Variants in CAPN14 observed in about 807,000 individuals in gnomAD.
CAPN14 encodes the protein calpain 14.
A neutral mutation model predicts 101.3 loss-of-function variants in CAPN14; 94 were observed. That is an observed-to-expected ratio of 0.93 (90% confidence interval 0.79 to 1.10). CAPN14 has a LOEUF of 1.10. CAPN14 is among the 50% of genes least tolerant of loss of function. The pLI, the probability that CAPN14 is intolerant of heterozygous loss-of-function variation, is 0.00. For synonymous variants in CAPN14, 338 were observed against 317.9 expected, an observed-to-expected ratio of 1.06 and a Z score of -0.67; for missense variants, 837 against 828.4, an observed-to-expected ratio of 1.01 and a Z score of -0.13.
At chr2:31,179,163 C>A (rs893365321) in intron 17 of CAPN14, among the ~76,000 whole-genome samples, 1 of 149,458 alleles carries the variant, frequency 6.7e-6, no homozygotes, top group African/African-American at 2.5e-5. Flanking sequence ...TGTTGGTTTG[C>A]TGCACCCATT....
In CAPN14 at chr2:31,200,622, G is replaced by C; in HGVS notation, c.555C>G (p.Leu185=). The C allele has an allele frequency of 1.3e-6, 2 of 1,543,224 alleles. No individual in the cohort carries two copies. Among genetic ancestry groups the C allele is most frequent in the Non-Finnish European group, 1.7e-6 (2 of 1,144,284 alleles). Reference sequence around the variant, plus strand: ...ACTGCAAGTCTTCATAGGAACCAGAGAGCCTGGCCAGGGAAGAAATAAACA... The same window carrying C: ...ACTGCAAGTCTTCATAGGAACCAGACAGCCTGGCCAGGGAAGAAATAAACA... ...GALLEKAYAK[L]SGSYEDLQSG... Residue 185 remains leucine, a synonymous_variant, in exon 6 of 22, where the codon CTC becomes CTG. Transcript: ENST00000403897.
chr2:31,211,387 G>T (rs951467578), intron 1 of CAPN14, among the ~76,000 whole-genome samples: 1 of 151,734 alleles, frequency 6.6e-6, no homozygotes, highest in Non-Finnish European at 1.5e-5. Context: ...AATTCAAGAA[G>T]GTCAATGAAT....
At chr2:31,186,063 G>A (rs746453381) in intron 16 of CAPN14, among the ~76,000 whole-genome samples, 40 of 152,100 alleles carry the variant, frequency 2.6e-4, no homozygotes, top group Non-Finnish European at 4.9e-4. Context: ...GGGTAGGCTA[G>A]TTAATACTTA....
At position 31,190,143 on chromosome 2, in the gene CAPN14, C is replaced by G. The variant is rs545509876; in HGVS notation, c.1288-665G>C. ...CTGCTTTATCTGATTCATATTCTCT[C>G]TCTCTCTCTCTCTCTCTCTCTCTCT... On this transcript the variant is annotated intron_variant, in intron 12 of 21. Transcript: ENST00000403897. Among the ~76,000 whole-genome samples, 15 of 150,178 alleles carry G rather than the reference C, an allele frequency of 1.0e-4. 1 individual carries two copies. The highest frequency in any genetic ancestry group is 3.7e-4 in the African/African-American group (15 of 40,578).
chr2:31,182,380 A>G (rs947211109), intron 16 of CAPN14, among the ~76,000 whole-genome samples: 1 of 147,128 alleles, frequency 6.8e-6, no homozygotes, highest in African/African-American at 2.6e-5. Context: ...AATTGGGAAG[A>G]GAGGAAGTCA....
At chr2:31,203,769 T>C (rs1681922944) in intron 2 of CAPN14, among the ~76,000 whole-genome samples, 1 of 152,086 alleles carries the variant, frequency 6.6e-6, no homozygotes, top group Non-Finnish European at 1.5e-5. Flanking sequence ...ACTTCATAAG[T>C]CTGGGGCTGC....
chr2:31,197,104 T>C (rs1681504356), intron 8 of CAPN14, 145 bp downstream of exon 8: 1 of 584,234 alleles, frequency 1.7e-6, no homozygotes, highest in Admixed American at 3.0e-5. Flanking sequence ...ATCTTCTAAA[T>C]GTGAGGGATT....
chr2:31,228,092 T>C (rs921382782), intron 1 of CAPN14, among the ~76,000 whole-genome samples: 2 of 152,228 alleles, frequency 1.3e-5, no homozygotes, highest in East Asian at 3.9e-4. Flanking sequence ...GAGGCACGCA[T>C]GCGTGCATGG....
Position 31,213,706 on chromosome 2 carries a change from A to G in CAPN14, c.-53+3750T>C, listed in dbSNP as rs938610692. Among the ~76,000 whole-genome samples, 6 of 152,332 alleles carry G rather than the reference A, an allele frequency of 3.9e-5. No individual in the cohort carries two copies. The East Asian group carries it at 1.2e-3, about 29-fold the overall frequency. The stretch of plus-strand genomic sequence containing the variant: ...ACCCTTAACATTTACAGTTACAATC[A>G]TGTCTCAAAACACTTGCAAATGTGG... On this transcript the variant is annotated intron_variant, in intron 1 of 21. Coordinates refer to ENST00000403897, the MANE Select transcript of CAPN14 (RefSeq NM_001145122.2).
intron 1 of CAPN14, among the ~76,000 whole-genome samples, chr2:31,209,396 G>A (rs1036965106): frequency 6.6e-6 from 1 of 152,096 alleles, no homozygotes; most frequent in African/African-American, 2.4e-5. Flanking sequence ...TTATGATGGT[G>A]AGAGGTGTCA....
In CAPN14 at chr2:31,192,051, C is replaced by T. The variant is rs752121613; in HGVS notation, c.1162G>A (p.Glu388Lys). 1.0e-5 allele frequency: 16 copies of T among 1,551,270 alleles called. No homozygotes were observed. Among genetic ancestry groups the T allele is most frequent in the African/African-American group, 5.5e-5 (4 of 73,034 alleles). The change falls in exon 11 of 22, where the codon GAG becomes AAG. Residue 388 changes from glutamate to lysine, a missense_variant. Physicochemically the swap from Glu to Lys is moderately conservative, Grantham distance 56. Coordinates refer to ENST00000403897, the MANE Select transcript of CAPN14 (RefSeq NM_001145122.2). The stretch of plus-strand genomic sequence containing the variant: ...GGCCTCAGGGATCTCCTGCCCTCCT[C>T]GGGCCTCCAGACAGACAGCAGGAAC... Reference protein sequence around the residue: ...PQFLLSVWRPEEGRRSLRPCS... With the variant: ...PQFLLSVWRPKEGRRSLRPCS...
At chr2:31,174,779 T>G (rs1680212433) in intron 21 of CAPN14, 72 bp from the exon 22 acceptor site, 1 of 1,407,248 alleles carries the variant, frequency 7.1e-7, no homozygotes, top group Admixed American at 2.0e-5. Context: ...CATCCCACAC[T>G]CCTGGGGAGC....
chr2:31,220,875 A>G (rs6711403), upstream of CAPN14, among the ~76,000 whole-genome samples: 37,909 of 152,056 alleles, frequency 0.25, 6,222 homozygotes, highest in African/African-American at 0.48. Flanking sequence ...ACCAGGATCC[A>G]ACAAGGAGAA....
chr2:31,206,150 A>G (rs1682076981), intron 1 of CAPN14, among the ~76,000 whole-genome samples: 1 of 150,848 alleles, frequency 6.6e-6, no homozygotes, highest in Admixed American at 6.6e-5. Context: ...CTCCTGCCTC[A>G]GTCTCCCGAG....
chr2:31,210,025 G>A (rs1682306519), intron 1 of CAPN14, among the ~76,000 whole-genome samples: 1 of 152,212 alleles, frequency 6.6e-6, no homozygotes, highest in Non-Finnish European at 1.5e-5. Context: ...ATAGCCACAG[G>A]TGAGAATCTG....
chr2:31,182,312 A>G (rs907630111), intron 16 of CAPN14, among the ~76,000 whole-genome samples: 1 of 149,822 alleles, frequency 6.7e-6, no homozygotes, highest in African/African-American at 2.5e-5. Flanking sequence ...CCTATTCAAC[A>G]TAGTGTTGGA....
intron 17 of CAPN14, among the ~76,000 whole-genome samples, chr2:31,179,770 A>G (rs1261718512): frequency 1.3e-5 from 2 of 152,110 alleles, no homozygotes; most frequent in African/African-American, 4.8e-5. Context: ...CTGGTGTGAG[A>G]TGGTATCTCA....
rs1013933711 is a variant in CAPN14 at position 31,174,581 on chromosome 2, G to A, written c.*100C>T. 6.3e-5 allele frequency: 81 copies of A among 1,291,560 alleles called. No homozygotes were observed. Among genetic ancestry groups the A allele is most frequent in the Non-Finnish European group, 8.5e-5 (78 of 915,012 alleles). 80.0% of individuals were successfully genotyped at this position (1,291,560 alleles called of 1,614,324 possible). A position where few individuals can be genotyped will look rare whatever the true frequency, so the allele number is the denominator to read the frequency against. On this transcript the variant is annotated 3_prime_UTR_variant, in exon 22 of 22. Transcript: ENST00000403897. ...AGGTGACGGCTAGTGAGGCTGTCCT[G>A]AAGATCAGTAAGTAGGGTGGGCATG... is the stretch of plus-strand genomic sequence containing the variant.
At chr2:31,185,378 G>C (rs527372709) in intron 16 of CAPN14, among the ~76,000 whole-genome samples, 7 of 152,084 alleles carry the variant, frequency 4.6e-5, no homozygotes, top group Non-Finnish European at 8.8e-5. Context: ...CATTTATCAT[G>C]GGAGACTCAC....
Sources: allele counts gnomAD v4.1 joint callset (sites outside exome capture counted in the v4.1 genomes callset), GRCh38; gene constraint gnomAD v4.1.1; transcripts MANE v1.5; gene names NCBI Gene and HGNC (gene_info 2026-07-23, HGNC 2026-07-21).